COQ8A: variants seen among roughly 807,000 people sequenced by gnomAD.
The protein encoded by COQ8A is atypical kinase COQ8A, mitochondrial.
COQ8A carries 51 observed loss-of-function variants against 65.0 expected under a neutral mutation model. The observed-to-expected ratio is 0.78, with a 90% CI of 0.63 to 0.99. The LOEUF (loss-of-function observed/expected upper bound fraction) is 0.99, where lower values mean the gene tolerates loss of function less well. Among genes scored for constraint, COQ8A ranks in the 50% least tolerant of loss-of-function variants. The pLI, the probability that COQ8A is intolerant of heterozygous loss-of-function variation, is 0.00. For missense variants in COQ8A, 940 were observed against 875.0 expected, an observed-to-expected ratio of 1.07 and a Z score of -0.94; for synonymous variants, 371 against 353.2, an observed-to-expected ratio of 1.05 and a Z score of -0.57.
intron 1 of COQ8A, among the ~76,000 whole-genome samples, chr1:226,958,419 G>A (rs1299060430): frequency 1.3e-5 from 2 of 152,140 alleles, no homozygotes; most frequent in Admixed American, 6.5e-5. Flanking sequence ...CTCACGTCCC[G>A]GCTCCAGGTC....
At chr1:226,978,687 A>ACACACCTGCACACCTTACACACCCTC (rs1659473210) in intron 5 of COQ8A, among the ~76,000 whole-genome samples, 5 of 73,132 alleles carry the variant, frequency 6.8e-5, no homozygotes, top group African/African-American at 1.8e-4. Context: ...CACACCCTCC[A>ACACACCTGCACACCTTACACACCCTC]CACACCTGCA....
chr1:226,950,245 T>C (rs1259047133), intron 1 of COQ8A, among the ~76,000 whole-genome samples: 1 of 152,220 alleles, frequency 6.6e-6, no homozygotes, highest in Non-Finnish European at 1.5e-5. Flanking sequence ...AGGCTGGAAC[T>C]TTGCCTTCTG....
chr1:226,942,264 T>C (rs1274980411), intron 1 of COQ8A, among the ~76,000 whole-genome samples: 1 of 152,088 alleles, frequency 6.6e-6, no homozygotes, highest in African/African-American at 2.4e-5. Flanking sequence ...GGTAGTGTTA[T>C]GCCTCCTGCC....
chr1:226,979,355 T>C (rs1295240458), intron 5 of COQ8A, among the ~76,000 whole-genome samples: 1 of 152,206 alleles, frequency 6.6e-6, no homozygotes, highest in Non-Finnish European at 1.5e-5. Context: ...GGGCTCCTCC[T>C]CAGGCCTCTT....
chr1:226,985,595 G>T (rs1400903342), intron 14 of COQ8A, among the ~76,000 whole-genome samples: 1 of 152,220 alleles, frequency 6.6e-6, no homozygotes. Context: ...GCCCACTTAG[G>T]GCTTGGGGTT....
At chr1:226,950,662 C>G (rs879902713) in intron 1 of COQ8A, among the ~76,000 whole-genome samples, 2 of 152,206 alleles carry the variant, frequency 1.3e-5, no homozygotes, top group Middle Eastern at 3.2e-3. Context: ...CTGTAGTTAT[C>G]ATTGGCATGG....
At chr1:226,976,644 G>A (rs1659253987) in intron 4 of COQ8A, among the ~76,000 whole-genome samples, 1 of 152,220 alleles carries the variant, frequency 6.6e-6, no homozygotes, top group Non-Finnish European at 1.5e-5. Context: ...GTGAGGTGTG[G>A]CATTAGTGGC....
At position 226,962,426 on chromosome 1, in the gene COQ8A, C is replaced by T. The variant is rs141048699; in HGVS notation, c.177+864C>T. Among the ~76,000 whole-genome samples, 402 of 152,332 alleles carry T rather than the reference C, an allele frequency of 2.6e-3. 7 individuals are homozygous for T. The highest frequency in any genetic ancestry group is 8.7e-3 in the African/African-American group (361 of 41,572). On this transcript the variant is annotated intron_variant, in intron 2 of 14. Coordinates refer to ENST00000366777, the MANE Select transcript of COQ8A (RefSeq NM_020247.5). ...AGACAGGGCTGGCTACAGCAGAGCA[C>T]GGCCCACCATGGCGTCACCTTGCAC...
chr1:226,963,443 C>T (rs35606438), intron 2 of COQ8A, among the ~76,000 whole-genome samples: 37,765 of 152,068 alleles, frequency 0.25, 5,034 homozygotes, highest in East Asian at 0.4. Context: ...GGGACCCCCC[C>T]ACTGGCCTTG....
intron 13 of COQ8A, 128 bp downstream of exon 13, chr1:226,985,069 C>T (rs1256748318): frequency 3.7e-6 from 5 of 1,351,620 alleles, no homozygotes; most frequent in South Asian, 1.2e-5. Context: ...GCCTGCCCCT[C>T]AGGTCTGGTG....
chr1:226,963,803 C>T (rs1185244342), intron 2 of COQ8A, among the ~76,000 whole-genome samples: 1 of 152,176 alleles, frequency 6.6e-6, no homozygotes, highest in Non-Finnish European at 1.5e-5. Flanking sequence ...TGGGGTTTCG[C>T]CATGTTGGCC....
rs546802462 is a variant in COQ8A at position 226,949,930 on chromosome 1, G to A, written c.-10+9531G>A. Among the ~76,000 whole-genome samples, 139 of 152,192 alleles carry A rather than the reference G, an allele frequency of 9.1e-4. 1 individual carries two copies. Among genetic ancestry groups the A allele is most frequent in the Non-Finnish European group, 1.2e-3 (82 of 68,024 alleles). On this transcript the variant is annotated intron_variant, in intron 1 of 14. Coordinates refer to ENST00000366777, the MANE Select transcript of COQ8A (RefSeq NM_020247.5). The surrounding 1 kb of genome is among the most constrained non-coding windows in gnomAD (Gnocchi z 4.0). Reference sequence around the variant, plus strand: ...AGCAAGTCAGTGGCAGAGTCATGATGTGAACCCAGATCACCTAACCTCAGA... The same window carrying A: ...AGCAAGTCAGTGGCAGAGTCATGATATGAACCCAGATCACCTAACCTCAGA...
In COQ8A at chr1:226,965,284, T is replaced by C; in HGVS notation, c.462T>C (p.Ser154=). ...RLFANPRDSF[S]AMGFQRRFFH... ...TTGCAAACCCCAGAGACTCATTCTC[T>C]GCCATGGGCTTTCAGCGAAGGTTCT... The change falls in exon 3 of 15, where the codon TCT becomes TCC. Residue 154 remains serine, a synonymous_variant. Coordinates refer to ENST00000366777, the MANE Select transcript of COQ8A (RefSeq NM_020247.5). 6.2e-7 allele frequency: 1 copy of C among 1,613,976 alleles called. No homozygotes were observed. The highest frequency in any genetic ancestry group is 8.5e-7 in the Non-Finnish European group (1 of 1,180,018).
chr1:226,941,339 G>A (rs922956246), intron 1 of COQ8A, among the ~76,000 whole-genome samples: 16 of 152,200 alleles, frequency 1.1e-4, no homozygotes, highest in Non-Finnish European at 1.9e-4. Flanking sequence ...AACATTCCTT[G>A]ATGCCAGCCT....
At chr1:226,960,559 G>C (rs530723712) in intron 1 of COQ8A, among the ~76,000 whole-genome samples, 179 of 148,256 alleles carry the variant, frequency 1.2e-3, no homozygotes, top group African/African-American at 3.9e-3. Flanking sequence ...TGGTGTCAAT[G>C]GTACTTGGTG....
chr1:226,984,056 G>A (rs1167722678), intron 10 of COQ8A, 38 bp from the exon 11 acceptor site: 10 of 1,611,900 alleles, frequency 6.2e-6, no homozygotes, highest in Non-Finnish European at 8.5e-6. Context: ...CGGTGTGGAG[G>A]GCCTGTGGCT....
At chr1:226,982,609 T>C in intron 6 of COQ8A, 69 bp from the exon 7 acceptor site, 1 of 1,538,194 alleles carries the variant, frequency 6.5e-7, no homozygotes, top group Non-Finnish European at 9.0e-7. Flanking sequence ...CCCAGGAGTG[T>C]GCCCGCCCAG....
At chr1:226,984,973 T>C in intron 13 of COQ8A, 32 bp downstream of exon 13, 1 of 1,611,998 alleles carries the variant, frequency 6.2e-7, no homozygotes, top group Non-Finnish European at 8.5e-7. Flanking sequence ...CCTTGGTCCA[T>C]GTTTTTCTGA....
At chr1:226,968,795 C>T (rs976069737) in intron 4 of COQ8A, among the ~76,000 whole-genome samples, 2 of 151,828 alleles carry the variant, frequency 1.3e-5, no homozygotes, top group African/African-American at 4.8e-5. Context: ...GAAATGGGGG[C>T]GGGGCATGAG....
Sources: allele counts gnomAD v4.1 joint callset (sites outside exome capture counted in the v4.1 genomes callset), GRCh38; gene constraint gnomAD v4.1.1; non-coding constraint Gnocchi (gnomAD v3.1); transcripts MANE v1.5; gene names NCBI Gene and HGNC (gene_info 2026-07-23, HGNC 2026-07-21).